Variants in AGBL1 observed in about 807,000 individuals in gnomAD.
AGBL1 encodes cytosolic carboxypeptidase 4.
AGBL1 carries 130 observed loss-of-function variants against 118.9 expected under a neutral mutation model. The observed-to-expected ratio is 1.09, with a 90% CI of 0.95 to 1.26. The LOEUF is 1.26. AGBL1 is among the 50% of genes most tolerant of loss of function. AGBL1 has a pLI of 0.00. For missense variants in AGBL1, 1,584 were observed against 1,298.1 expected, an observed-to-expected ratio of 1.22 and a Z score of -3.38; for synonymous variants, 555 against 478.9, an observed-to-expected ratio of 1.16 and a Z score of -2.08.
intron 6 of AGBL1, among the ~76,000 whole-genome samples, chr15:86,236,533 G>A (rs2078546039): frequency 6.6e-6 from 1 of 152,088 alleles, no homozygotes; most frequent in Admixed American, 6.5e-5. Flanking sequence ...AAAGGAGAAT[G>A]CACACGGCTC....
In AGBL1 at chr15:86,873,166, C is replaced by G. The variant is rs559522488; in HGVS notation, c.3159-33921C>G. On this transcript the variant is annotated intron_variant, in intron 22 of 22. Transcript: ENST00000614907. Reference sequence around the variant, plus strand: ...TCTCTGCAGGAGCAATTAATTTTTCCTGTTTAAAATGACAGACAAAAGTCT... The same window carrying G: ...TCTCTGCAGGAGCAATTAATTTTTCGTGTTTAAAATGACAGACAAAAGTCT... 7.6e-4 allele frequency among the ~76,000 whole-genome samples: 115 copies of G among 152,230 alleles called. 1 individual carries two copies. Among genetic ancestry groups the G allele is most frequent in the Non-Finnish European group, 1.0e-4 (7 of 68,008 alleles).
chr15:86,214,793 T>A (rs1406089305), intron 5 of AGBL1, among the ~76,000 whole-genome samples: 10 of 152,230 alleles, frequency 6.6e-5, no homozygotes, highest in Admixed American at 5.9e-4. Flanking sequence ...AATGGGGCCC[T>A]CCCAGCCTCG....
chr15:86,327,486 T>A (rs1038120590), intron 17 of AGBL1, among the ~76,000 whole-genome samples: 3 of 152,222 alleles, frequency 2.0e-5, no homozygotes, highest in Non-Finnish European at 4.4e-5. Context: ...TGAATGTAAA[T>A]GTTTCCAGAA....
intron 5 of AGBL1, among the ~76,000 whole-genome samples, chr15:86,215,835 G>A (rs952451573): frequency 6.6e-6 from 1 of 152,200 alleles, no homozygotes; most frequent in Non-Finnish European, 1.5e-5. Flanking sequence ...ACGGGTCCTA[G>A]AGTGGATATG....
intron 5 of AGBL1, among the ~76,000 whole-genome samples, chr15:86,197,584 G>A (rs1168804793): frequency 1.3e-5 from 2 of 152,304 alleles, no homozygotes; most frequent in East Asian, 1.9e-4. Context: ...CTTCCTGAAT[G>A]CTTAGAGAAA....
At chr15:86,195,939 G>A (rs963714900) in intron 5 of AGBL1, among the ~76,000 whole-genome samples, 1 of 152,108 alleles carries the variant, frequency 6.6e-6, no homozygotes, top group African/African-American at 2.4e-5. Context: ...CTCTTTTGTT[G>A]AGGATCATAA....
intron 22 of AGBL1, among the ~76,000 whole-genome samples, chr15:86,745,999 C>T (rs948866824): frequency 4.6e-5 from 7 of 152,126 alleles, no homozygotes; most frequent in Admixed American, 4.6e-4. Context: ...GCTAAGAAGC[C>T]AGGGCAGTGC....
intron 21 of AGBL1, among the ~76,000 whole-genome samples, chr15:86,589,369 G>A (rs1033306638): frequency 2.0e-5 from 3 of 152,184 alleles, no homozygotes; most frequent in African/African-American, 7.2e-5. Context: ...GGAACTTAAA[G>A]TGGGACCTTA....
chr15:86,248,238 A>G (rs932953822), intron 7 of AGBL1, among the ~76,000 whole-genome samples: 1 of 151,894 alleles, frequency 6.6e-6, no homozygotes, highest in African/African-American at 2.4e-5. Flanking sequence ...AATTGCTTGA[A>G]CTCAGGAGGC....
intron 22 of AGBL1, among the ~76,000 whole-genome samples, chr15:86,701,209 G>C (rs925552099): frequency 6.6e-6 from 1 of 152,074 alleles, no homozygotes; most frequent in Admixed American, 6.6e-5. Flanking sequence ...TATAAAGTAA[G>C]GAAATGGAGT....
chr15:86,321,270 A>G lies in AGBL1; in HGVS notation c.2374+25862A>G, dbSNP rs190046306. Among the ~76,000 whole-genome samples, 72 of 152,308 alleles carry G rather than the reference A, an allele frequency of 4.7e-4. No homozygotes were observed. The South Asian group carries it at 9.1e-3, about 19-fold the overall frequency. ...CTTTTTAACCTGTTAATTAAAATTC[A>G]TGATTGATTAAATAATATTTTCTGG... On this transcript the variant is annotated intron_variant, in intron 17 of 22. Coordinates refer to ENST00000614907, the MANE Select transcript of AGBL1 (RefSeq NM_001386094.1).
chr15:86,881,661 G>T lies in AGBL1; in HGVS notation c.3159-25426G>T, dbSNP rs1458276973. ...TATTTATTTATTTATTTAAGATAGG[G>T]TCTCACTGTGTCACGCAGGCTGGAG... is the stretch of plus-strand genomic sequence containing the variant. On this transcript the variant is annotated intron_variant, in intron 22 of 22. Transcript: ENST00000614907. 2.0e-5 allele frequency among the ~76,000 whole-genome samples: 3 copies of T among 152,218 alleles called. No individual in the cohort carries two copies. The South Asian group carries it at 6.2e-4, about 32-fold the overall frequency.
At chr15:86,486,468 T>G (rs2082714185) in intron 18 of AGBL1, among the ~76,000 whole-genome samples, 1 of 152,118 alleles carries the variant, frequency 6.6e-6, no homozygotes, top group African/African-American at 2.4e-5. Context: ...CATTTTAGCA[T>G]GGTCATGTGT....
intron 18 of AGBL1, among the ~76,000 whole-genome samples, chr15:86,479,457 C>A (rs2082616052): frequency 6.6e-6 from 1 of 152,144 alleles, no homozygotes; most frequent in Non-Finnish European, 1.5e-5. Flanking sequence ...GACATTTATG[C>A]CACCAACAGA....
chr15:86,366,512 A>C (rs538567190), intron 17 of AGBL1, among the ~76,000 whole-genome samples: 4 of 152,310 alleles, frequency 2.6e-5, no homozygotes, highest in Admixed American at 2.6e-4. Context: ...CCAGGATTCC[A>C]ATGCAGCCAG....
At chr15:86,245,307 C>G (rs1160840813) in intron 6 of AGBL1, among the ~76,000 whole-genome samples, 1 of 152,210 alleles carries the variant, frequency 6.6e-6, no homozygotes, top group African/African-American at 2.4e-5. Context: ...TTTTGCTTAT[C>G]TGATTATACC....
intron 21 of AGBL1, among the ~76,000 whole-genome samples, chr15:86,605,342 GT>G (rs2084560764): frequency 1.3e-5 from 2 of 152,088 alleles, no homozygotes; most frequent in South Asian, 4.2e-4. Flanking sequence ...ACATCTTTAA[GT>G]TTTCTGTGAA....
At chr15:86,298,246 A>AATATATATATATATATAT (rs59968237) in intron 17 of AGBL1, among the ~76,000 whole-genome samples, 466 of 69,554 alleles carry the variant, frequency 6.7e-3, no homozygotes, top group South Asian at 8.2e-3. Context: ...GTCTGTGTAT[A>AATATATATATATATATAT]ATATATATAT....
intron 1 of AGBL1, among the ~76,000 whole-genome samples, chr15:86,113,567 T>A (rs1442436044): frequency 3.3e-5 from 5 of 152,118 alleles, no homozygotes; most frequent in African/African-American, 9.7e-5. Context: ...ATTACAGGTG[T>A]GAGCCACTGC....
Sources: allele counts gnomAD v4.1 joint callset (sites outside exome capture counted in the v4.1 genomes callset), GRCh38; gene constraint gnomAD v4.1.1; transcripts MANE v1.5; gene names NCBI Gene and HGNC (gene_info 2026-07-23, HGNC 2026-07-21).